SMG1: variants seen among roughly 807,000 people sequenced by gnomAD.
SMG1 encodes the protein serine/threonine-protein kinase SMG1.
In SMG1, 22 loss-of-function variants were observed where a neutral mutation model predicts 419.9. That is an observed-to-expected ratio of 0.05 (90% CI 0.04 to 0.07). SMG1 has a LOEUF of 0.07. SMG1 is among the 10% of genes least tolerant of loss of function. The pLI, the probability that SMG1 is intolerant of heterozygous loss-of-function variation, is 1.00. For synonymous variants in SMG1, 1,538 were observed against 1,553.5 expected (o/e 0.99, Z 0.23); for missense variants, 3,185 against 4,342.0 (o/e 0.73, Z 7.49).
Position 18,836,198 on chromosome 16 carries a change from C to T in SMG1, c.7792G>A (p.Val2598Met), listed in dbSNP as rs768480603. Reference sequence around the variant, plus strand: ...TTCTGCAGAAAGGCTGTTGCTGGCACGTAACTTGGAGGACCTTTTGGTAAA... The same window carrying T: ...TTCTGCAGAAAGGCTGTTGCTGGCATGTAACTTGGAGGACCTTTTGGTAAA... Reference protein sequence around the residue: ...TQMDLGPPSYVPATAFLQNAG... With the variant: ...TQMDLGPPSYMPATAFLQNAG... Residue 2598 changes from valine (V) to methionine (M), a missense_variant, in exon 48 of 63, where the codon GTG becomes ATG. Val to Met is a conservative substitution (Grantham distance 21). Around this residue, in one of 27 missense-constraint regions of SMG1, gnomAD observed 412 missense variants for 546.6 expected, o/e 0.75. Transcript: ENST00000446231. 1.3e-5 allele frequency: 21 copies of T among 1,611,618 alleles called. No homozygotes were observed. The highest frequency in any genetic ancestry group is 6.6e-5 in the South Asian group (6 of 90,752).
intron 1 of SMG1, among the ~76,000 whole-genome samples, chr16:18,897,204 A>T (rs1292583470): frequency 6.6e-6 from 1 of 152,324 alleles, no homozygotes; most frequent in African/African-American, 2.4e-5. Flanking sequence ...AAATATGAAC[A>T]ACTACTGGGA....
chr16:18,844,996 T>C (rs979335167), intron 39 of SMG1, among the ~76,000 whole-genome samples: 1 of 152,246 alleles, frequency 6.6e-6, no homozygotes, highest in Non-Finnish European at 1.5e-5. Flanking sequence ...GAACTACTTG[T>C]AAAACTTTAT....
rs1350852222 is a variant in SMG1, at chr16:18,892,271, A to G, written c.496T>C (p.Leu166=). The G allele has an allele frequency of 2.8e-5, 43 of 1,551,822 alleles. No homozygotes were observed. The highest frequency in any genetic ancestry group is 3.5e-5 in the Non-Finnish European group (40 of 1,147,220). ...ITREDDRDRR[L]ATVKQLKEFI... ...TCTTTCAACTGCTTTACAGTAGCCA[A>G]TCTTCGGTCTCTGTCGTCTTCCCGG... The change falls in exon 4 of 63, where the codon TTG becomes CTG. Residue 166 remains leucine, a synonymous_variant. Coordinates refer to ENST00000446231, the MANE Select transcript of SMG1 (RefSeq NM_015092.5).
intron 23 of SMG1, chr16:18,866,371 T>C (rs1170121004): frequency 5.7e-6 from 3 of 526,158 alleles, no homozygotes; most frequent in East Asian, 3.4e-5. Flanking sequence ...TTCAAAAGCA[T>C]TTATAAAATA....
intron 26 of SMG1, 49 bp from the exon 27 acceptor site, chr16:18,859,752 A>G: frequency 6.7e-7 from 1 of 1,486,964 alleles, no homozygotes; most frequent in South Asian, 1.3e-5. Context: ...TTTTATTATA[A>G]ATTTTGATTT....
Position 18,859,672 on chromosome 16 carries a change from A to G in SMG1, c.3837T>C (p.Ser1279=). The G allele has an allele frequency of 6.2e-7, 1 of 1,611,172 alleles. No individual in the cohort carries two copies. The highest frequency in any genetic ancestry group is 2.2e-5 in the East Asian group (1 of 44,840). Reference sequence around the variant, plus strand: ...ATTTCTGAAGTTCCCTCGGATCCGGACTTAACATGTTAGGAAGCAGTTTTT... The same window carrying G: ...ATTTCTGAAGTTCCCTCGGATCCGGGCTTAACATGTTAGGAAGCAGTTTTT... ...DMKKLLPNML[S]PDPRELQKSI... Residue 1279 remains serine, a synonymous_variant, in exon 27 of 63, where the codon AGT becomes AGC. Transcript: ENST00000446231.
intron 1 of SMG1, among the ~76,000 whole-genome samples, chr16:18,921,194 G>T (rs1357550864): frequency 6.6e-6 from 1 of 150,800 alleles, no homozygotes; most frequent in African/African-American, 2.4e-5. Context: ...ATTAGCCTGG[G>T]ACTAATTTAT....
At chr16:18,835,898 CAAAAATAAAA>C (rs1414615673) in intron 48 of SMG1, 25 bp downstream of exon 48, 3 of 1,540,942 alleles carry the variant, frequency 1.9e-6, no homozygotes, top group African/African-American at 1.4e-5. Context: ...GACTCCGTCT[CAAAAATAAAA>C]GAAAATTAAG....
intron 23 of SMG1, among the ~76,000 whole-genome samples, chr16:18,864,549 G>A (rs2035395884): frequency 6.6e-6 from 1 of 151,948 alleles, no homozygotes; most frequent in Admixed American, 6.6e-5. Flanking sequence ...AGGCTGGAGA[G>A]CAGTGGCATG....
At chr16:18,881,346 A>T (rs1250200398) in intron 10 of SMG1, among the ~76,000 whole-genome samples, 1 of 149,360 alleles carries the variant, frequency 6.7e-6, no homozygotes, top group Non-Finnish European at 1.5e-5. Context: ...TTGAAACCAT[A>T]TTGGTTTAAA....
chr16:18,864,238 C>G, intron 23 of SMG1, 94 bp from the exon 24 acceptor site: 2 of 1,152,270 alleles, frequency 1.7e-6, no homozygotes, highest in Non-Finnish European at 2.3e-6. Context: ...TCTTCTTGCC[C>G]AGGCTGGAGT....
intron 56 of SMG1, among the ~76,000 whole-genome samples, chr16:18,819,011 G>A (rs1282850420): frequency 6.6e-6 from 1 of 152,018 alleles, no homozygotes; most frequent in Admixed American, 6.6e-5. Flanking sequence ...CAGAGACGGG[G>A]TTTCACCATA....
At chr16:18,832,539 C>A (rs2033262045) in intron 51 of SMG1, among the ~76,000 whole-genome samples, 1 of 151,714 alleles carries the variant, frequency 6.6e-6, no homozygotes, top group Non-Finnish European at 1.5e-5. Context: ...TAACTACAAG[C>A]ACTAAAAGGA....
intron 1 of SMG1, among the ~76,000 whole-genome samples, chr16:18,920,266 G>A (rs764803941): frequency 6.6e-5 from 10 of 151,738 alleles, no homozygotes; most frequent in Non-Finnish European, 1.5e-4. Context: ...CCGGTAATCT[G>A]ATCTACTTAG....
chr16:18,914,343 A>G (rs2037894147), intron 1 of SMG1, among the ~76,000 whole-genome samples: 1 of 152,110 alleles, frequency 6.6e-6, no homozygotes, highest in African/African-American at 2.4e-5. Flanking sequence ...AAAAGGTCCG[A>G]AAATTAATAT....
intron 50 of SMG1, among the ~76,000 whole-genome samples, 177 bp downstream of exon 50, chr16:18,834,027 A>G (rs1273694934): frequency 6.6e-6 from 1 of 152,228 alleles, no homozygotes. Flanking sequence ...AAATTCAAAA[A>G]AACAAAGAGC....
At chr16:18,915,594 A>G (rs937317810) in intron 1 of SMG1, among the ~76,000 whole-genome samples, 1 of 152,118 alleles carries the variant, frequency 6.6e-6, no homozygotes, top group Non-Finnish European at 1.5e-5. Context: ...TACCAGATCC[A>G]TGCACATATG....
At chr16:18,834,183 A>G (rs1174372569) in intron 50 of SMG1, 21 bp downstream of exon 50, 2 of 1,508,110 alleles carry the variant, frequency 1.3e-6, no homozygotes. Flanking sequence ...ACAAACTAAT[A>G]TTTAAAATAA....
chr16:18,879,425 A>G, intron 11 of SMG1, 70 bp downstream of exon 11: 1 of 1,279,750 alleles, frequency 7.8e-7, no homozygotes. Flanking sequence ...AAAGCCCTTA[A>G]TTTCTTACAT....
Sources: allele counts gnomAD v4.1 joint callset (sites outside exome capture counted in the v4.1 genomes callset), GRCh38; gene constraint gnomAD v4.1.1; regional missense constraint gnomAD v4.1.1; transcripts MANE v1.5; gene names NCBI Gene and HGNC (gene_info 2026-07-23, HGNC 2026-07-21).